Variants in MAPKAPK2 observed in about 807,000 individuals in gnomAD.
MAPKAPK2 encodes MAPK activated protein kinase 2.
In MAPKAPK2, 9 loss-of-function variants were observed where a neutral mutation model predicts 48.8. The observed-to-expected ratio is 0.18, with a 90% CI of 0.11 to 0.32. The LOEUF (loss-of-function observed/expected upper bound fraction) is 0.32, where lower values mean the gene tolerates loss of function less well. MAPKAPK2 is among the 10% of genes least tolerant of loss of function. The probability of loss-of-function intolerance (pLI) is 1.00; values close to 1 mark genes in which losing one functional copy is unlikely to be tolerated. For missense variants in MAPKAPK2, 331 were observed against 498.3 expected (o/e 0.66, Z 3.20); for synonymous variants, 202 against 190.6 (o/e 1.06, Z -0.49).
At chr1:206,694,579 G>A (rs1672558068) in intron 1 of MAPKAPK2, among the ~76,000 whole-genome samples, 1 of 152,226 alleles carries the variant, frequency 6.6e-6, no homozygotes, top group African/African-American at 2.4e-5. Flanking sequence ...GATTCTAAAG[G>A]CCAGGCTTCA....
intron 1 of MAPKAPK2, among the ~76,000 whole-genome samples, chr1:206,707,126 T>C (rs1300330721): frequency 1.3e-5 from 2 of 152,132 alleles, no homozygotes; most frequent in African/African-American, 2.4e-5. Context: ...CTTGCAGCTG[T>C]GGCACATCTG....
chr1:206,712,962 T>TCACACACACA (rs58379967), intron 1 of MAPKAPK2, among the ~76,000 whole-genome samples: 20,713 of 112,042 alleles, frequency 0.18, 2,469 homozygotes, highest in Middle Eastern at 0.25. Context: ...TGAGACTCCA[T>TCACACACACA]CACACACACA....
rs147819111 is a variant in MAPKAPK2 at position 206,691,859 on chromosome 1, C to T, written c.279+6351C>T. 7.8e-3 allele frequency among the ~76,000 whole-genome samples: 1,187 copies of T among 152,238 alleles called. 18 individuals carry two copies. The highest frequency in any genetic ancestry group is 0.027 in the African/African-American group (1,121 of 41,524). ...AGCTTAGTGCCTGGCTCCAGGGCAG[C>T]CTGTGTCCAGTTAATGAATAATCAT... On this transcript the variant is annotated intron_variant, in intron 1 of 9. Coordinates refer to ENST00000367103, the MANE Select transcript of MAPKAPK2 (RefSeq NM_032960.4).
intron 1 of MAPKAPK2, among the ~76,000 whole-genome samples, chr1:206,697,137 T>C (rs1268082400): frequency 2.0e-5 from 3 of 152,198 alleles, no homozygotes; most frequent in Non-Finnish European, 2.9e-5. Flanking sequence ...TGTTCAGTCA[T>C]GGAGATGACC....
chr1:206,706,451 A>G (rs984841466), intron 1 of MAPKAPK2, among the ~76,000 whole-genome samples: 1 of 152,142 alleles, frequency 6.6e-6, no homozygotes, highest in Non-Finnish European at 1.5e-5. Flanking sequence ...TGGTTTGGGA[A>G]TCGGGAGTAT....
chr1:206,729,161 G>C (rs374132094), intron 3 of MAPKAPK2, 62 bp downstream of exon 3: 1 of 1,539,786 alleles, frequency 6.5e-7, no homozygotes, highest in African/African-American at 1.4e-5. Flanking sequence ...TCTGAAGGGG[G>C]CCTTTGCAGT....
chr1:206,697,204 T>G (rs1672657271), intron 1 of MAPKAPK2, among the ~76,000 whole-genome samples: 1 of 152,196 alleles, frequency 6.6e-6, no homozygotes, highest in South Asian at 2.1e-4. Context: ...GCTTGCCAAC[T>G]TTCCTACAGC....
chr1:206,712,056 G>A (rs1000030915), intron 1 of MAPKAPK2, among the ~76,000 whole-genome samples: 1 of 152,192 alleles, frequency 6.6e-6, no homozygotes, highest in East Asian at 1.9e-4. Context: ...TTTAGAATGT[G>A]AAGTAACTGG....
chr1:206,723,273 GC>G (rs1198896757), intron 1 of MAPKAPK2, among the ~76,000 whole-genome samples: 3 of 152,224 alleles, frequency 2.0e-5, no homozygotes, highest in East Asian at 1.9e-4. Flanking sequence ...AATCCCAGTT[GC>G]CCCCCCCAGT....
chr1:206,687,568 G>T lies in MAPKAPK2; in HGVS notation c.279+2060G>T, dbSNP rs138453263. Among the ~76,000 whole-genome samples, 1,461 of 152,310 alleles carry T rather than the reference G, an allele frequency of 9.6e-3. 16 individuals are homozygous for T. Among genetic ancestry groups the T allele is most frequent in the Non-Finnish European group, 0.013 (903 of 68,022 alleles). On this transcript the variant is annotated intron_variant, in intron 1 of 9. Transcript: ENST00000367103. ...GAAGAAAGGAGAGACAAGGCATTTG[G>T]AGACTGACAGCAGTGTTAACAGCAC...
Position 206,731,533 on chromosome 1 carries a change from T to G in MAPKAPK2, c.893-107T>G. ...GGGCCAGTTGCTCCGGCAGCCTGCC[T>G]CCATGCACCCCCTCTTTGAACCTGG... On this transcript the variant is annotated intron_variant, in intron 7 of 9. Coordinates refer to ENST00000367103, the MANE Select transcript of MAPKAPK2 (RefSeq NM_032960.4). This position sits in a 1 kb window ranked among gnomAD's most constrained non-coding sequence, Gnocchi z 5.9. 2.6e-6 allele frequency: 3 copies of G among 1,146,934 alleles called. No individual in the cohort carries two copies. The highest frequency in any genetic ancestry group is 3.9e-6 in the Non-Finnish European group (3 of 761,706). 71.0% of individuals were successfully genotyped at this position (1,146,934 alleles called of 1,614,324 possible). A position where few individuals can be genotyped will look rare whatever the true frequency, so the allele number is the denominator to read the frequency against.
chr1:206,729,248 A>C, intron 3 of MAPKAPK2, 148 bp from the exon 4 acceptor site: 1 of 1,092,890 alleles, frequency 9.2e-7, no homozygotes, highest in East Asian at 2.4e-5. Flanking sequence ...TGACCAGGGA[A>C]GCTCCTGGTG....
At chr1:206,706,128 A>ATTTT (rs1391687589) in intron 1 of MAPKAPK2, among the ~76,000 whole-genome samples, 3 of 149,426 alleles carry the variant, frequency 2.0e-5, no homozygotes, top group African/African-American at 7.4e-5. Flanking sequence ...TTATTTATTT[A>ATTTT]TTTATTTATT....
intron 1 of MAPKAPK2, among the ~76,000 whole-genome samples, chr1:206,693,042 C>T (rs61815610): frequency 0.091 from 13,892 of 152,196 alleles, 858 homozygotes; most frequent in Non-Finnish European, 0.14. Flanking sequence ...GTCCCCCTGC[C>T]GACTCCTCCA....
At chr1:206,723,678 T>C (rs1328322965) in intron 1 of MAPKAPK2, among the ~76,000 whole-genome samples, 1 of 152,228 alleles carries the variant, frequency 6.6e-6, no homozygotes, top group East Asian at 1.9e-4. Context: ...CCTGAGTCTT[T>C]CCACGTGGCT....
At chr1:206,708,212 C>A (rs1673025228) in intron 1 of MAPKAPK2, among the ~76,000 whole-genome samples, 1 of 152,244 alleles carries the variant, frequency 6.6e-6, no homozygotes, top group South Asian at 2.1e-4. Flanking sequence ...CTGCCCTCCG[C>A]AGGCCCCTGT....
chr1:206,700,963 G>T (rs1672775214), intron 1 of MAPKAPK2, among the ~76,000 whole-genome samples: 1 of 152,222 alleles, frequency 6.6e-6, no homozygotes, highest in Non-Finnish European at 1.5e-5. Flanking sequence ...GCAGAACAGG[G>T]TAAAGTCCTT....
At chr1:206,729,832 C>A in intron 4 of MAPKAPK2, 140 bp from the exon 5 acceptor site, 1 of 1,039,840 alleles carries the variant, frequency 9.6e-7, no homozygotes. Flanking sequence ...AGAGCTGCCA[C>A]TCCTCGTGGT....
intron 1 of MAPKAPK2, among the ~76,000 whole-genome samples, chr1:206,724,196 G>A (rs536689206): frequency 2.0e-5 from 3 of 152,366 alleles, no homozygotes; most frequent in African/African-American, 7.2e-5. Flanking sequence ...AGGAGCAGGG[G>A]CCTTGGCTTC....
Sources: gnomAD v4.1 joint callset for allele counts (sites outside exome capture counted in the v4.1 genomes callset) on GRCh38, gnomAD v4.1.1 for gene constraint, Gnocchi (gnomAD v3.1) non-coding constraint, MANE v1.5 for transcripts, NCBI Gene and HGNC (gene_info 2026-07-23, HGNC 2026-07-21) for gene names.